TPM1: variants seen among roughly 807,000 people sequenced by gnomAD.
TPM1 encodes the protein tropomyosin 1, also known as tropomyosin alpha-1 chain.
TPM1 carries 24 observed loss-of-function variants against 42.9 expected under a neutral mutation model. That is an observed-to-expected ratio of 0.56 (90% CI 0.41 to 0.79). The LOEUF is 0.79. Among genes scored for constraint, TPM1 ranks in the 30% least tolerant of loss-of-function variants. The pLI is 0.00. For missense variants in TPM1, 158 were observed against 351.8 expected (o/e 0.45, Z 4.41); for synonymous variants, 136 against 130.1 (o/e 1.05, Z -0.31).
At chr15:63,042,993 G>A (rs1221005970) in intron 1 of TPM1, 50 bp downstream of exon 1, 1 of 1,502,046 alleles carries the variant, frequency 6.7e-7, no homozygotes, top group Non-Finnish European at 9.1e-7. Context: ...CGGGACTCGA[G>A]CCTGGCACCC....
At chr15:63,063,186 A>T in intron 8 of TPM1, 1 of 985,408 alleles carries the variant, frequency 1.0e-6, no homozygotes, top group African/African-American at 1.7e-5. Flanking sequence ...TTTAGTAATA[A>T]CCACTCTATC....
chr15:63,047,914 A>C (rs2032748600), intron 2 of TPM1: 1 of 213,904 alleles, frequency 4.7e-6, no homozygotes, highest in Admixed American at 5.8e-5. Context: ...GCCAGAGTCA[A>C]CCTAGGAAAA....
At chr15:63,060,825 G>T in intron 4 of TPM1, 44 bp from the exon 5 acceptor site, 1 of 1,611,774 alleles carries the variant, frequency 6.2e-7, no homozygotes, top group Non-Finnish European at 8.5e-7. Flanking sequence ...GTTACACAAA[G>T]CTTGCAAGAC....
At position 63,071,456 on chromosome 15, in the gene TPM1, A is replaced by G. The variant is rs963201746; in HGVS notation, c.*284A>G. 3 of 391,190 alleles carry G rather than the reference A, an allele frequency of 7.7e-6. No homozygotes were observed. The East Asian group carries it at 1.8e-4, about 23-fold the overall frequency. 24.2% of individuals were successfully genotyped at this position (391,190 alleles called of 1,614,324 possible). ...GCGTAGGAATCCTCACTAAAGCAGA[A>G]GAAGTTCCATTCAAAGTGCCAATGA... is the stretch of plus-strand genomic sequence containing the variant. On this transcript the variant is annotated 3_prime_UTR_variant, in exon 9 of 9. Coordinates refer to the TPM1 transcript ENST00000267996.
At chr15:63,070,306 ATGTG>A (rs1555411994), downstream of TPM1, 24 of 674,904 alleles carry the variant, frequency 3.6e-5, no homozygotes, top group East Asian at 1.3e-4. Context: ...ATATATATAT[ATGTG>A]TGTGTGTGTG....
intron 8 of TPM1, 183 bp downstream of exon 8, chr15:63,062,828 CG>C (rs772606005): frequency 2.6e-6 from 4 of 1,533,816 alleles, no homozygotes; most frequent in African/African-American, 2.7e-5. Flanking sequence ...CTTCTGCTCA[CG>C]AGGTGACTAG....
intron 2 of TPM1, chr15:63,047,187 C>G (rs1310514399): frequency 6.6e-6 from 1 of 152,336 alleles, no homozygotes; most frequent in African/African-American, 2.4e-5. Context: ...CTCCCACCTA[C>G]AGGATGCAAG....
At chr15:63,068,828 A>G (rs28503357), downstream of TPM1, among the ~76,000 whole-genome samples, 363 of 152,276 alleles carry the variant, frequency 2.4e-3, no homozygotes, top group African/African-American at 8.2e-3. Context: ...CATTAGCACC[A>G]CACATGAATG....
At chr15:63,048,125 G>A in intron 2 of TPM1, 2 of 427,096 alleles carry the variant, frequency 4.7e-6, no homozygotes, top group Non-Finnish European at 9.3e-6. Context: ...GGAGCGGAGC[G>A]CTCCCGCGGC....
intron 9 of TPM1, chr15:63,064,507 G>A: frequency 9.2e-7 from 1 of 1,092,412 alleles, no homozygotes; most frequent in Non-Finnish European, 1.1e-6. Context: ...ATCAAAATTT[G>A]TTTCCTGAAA....
At chr15:63,053,926 G>A (rs1322598869) in intron 2 of TPM1, among the ~76,000 whole-genome samples, 2 of 151,838 alleles carry the variant, frequency 1.3e-5, no homozygotes, top group Non-Finnish European at 2.9e-5. Context: ...ATGATTGCCC[G>A]CCTCGGCCTC....
In TPM1 at chr15:63,056,965, GC is replaced by G; in HGVS notation, c.241-19del. 6.2e-7 allele frequency: 1 copy of G among 1,614,052 alleles called. No homozygotes were observed. The highest frequency in any genetic ancestry group is 8.5e-7 in the Non-Finnish European group (1 of 1,179,948). ...CTCACTTTCTCCCCAACTCTGAAAT[GC>G]TTTTCACTCTCTACCTAGGCTGAAG... is the stretch of plus-strand genomic sequence containing the variant. On this transcript the variant is annotated intron_variant, in intron 2 of 9. Transcript: ENST00000403994.
intron 2 of TPM1, chr15:63,046,637 G>GA (rs1266004974): frequency 6.6e-6 from 1 of 152,582 alleles, no homozygotes; most frequent in Non-Finnish European, 1.5e-5. Context: ...AAGTGAGGCT[G>GA]AAGGGGATCG....
chr15:63,059,749 A>T, intron 4 of TPM1, 69 bp downstream of exon 4: 12 of 1,156,578 alleles, frequency 1.0e-5, no homozygotes, highest in African/African-American at 1.5e-5. Context: ...GGAGCAATGT[A>T]CAGTCTTGAT....
chr15:63,052,395 T>G lies in TPM1; in HGVS notation c.241-4590T>G, dbSNP rs114835967. On this transcript the variant is annotated intron_variant, in intron 2 of 9. Transcript: ENST00000403994. ...GCAATTAGCCGAGCATGGTGTCACG[T>G]GCCTGTAATCCTAGCTACTGGGGAG... 8.8e-3 allele frequency among the ~76,000 whole-genome samples: 1,347 copies of G among 152,258 alleles called. 22 individuals are homozygous for G. The highest frequency in any genetic ancestry group is 0.031 in the African/African-American group (1,284 of 41,540).
intron 2 of TPM1, chr15:63,049,114 T>G: frequency 4.3e-6 from 1 of 233,162 alleles, no homozygotes; most frequent in Non-Finnish European, 8.7e-6. Context: ...ATCCGTACTT[T>G]GAGAAGGGGC....
exon 9 of TPM1, chr15:63,071,869 T>C (rs972528300): frequency 6.5e-6 from 1 of 153,072 alleles, no homozygotes; most frequent in Non-Finnish European, 1.5e-5. Context: ...ATGTAAACAT[T>C]GTATAATGAT....
chr15:63,060,950 C>G lies in TPM1; in HGVS notation c.563+11C>G. On this transcript the variant is annotated intron_variant, in intron 5 of 9. Coordinates refer to ENST00000403994, the MANE Select transcript of TPM1 (RefSeq NM_001018005.2). ...TGAGCTCTCAGAAGGGTAAGCGGGC[C>G]CGGCGCCAGGAGGCCACGAATGGGG... 1 of 1,613,922 alleles carries G rather than the reference C, an allele frequency of 6.2e-7. No homozygotes were observed. Among genetic ancestry groups the G allele is most frequent in the Non-Finnish European group, 8.5e-7 (1 of 1,180,024 alleles).
At chr15:63,069,559 C>T (rs781266293), downstream of TPM1, among the ~76,000 whole-genome samples, 1 of 152,202 alleles carries the variant, frequency 6.6e-6, no homozygotes, top group Admixed American at 6.5e-5. Flanking sequence ...GCTCAGCTCA[C>T]AAAGTGGTTT....
Sources: allele counts gnomAD v4.1 joint callset (sites outside exome capture counted in the v4.1 genomes callset), GRCh38; gene constraint gnomAD v4.1.1; transcripts MANE v1.5; gene names NCBI Gene and HGNC (gene_info 2026-07-23, HGNC 2026-07-21).